The following TIMMDC1 variants were observed in gnomAD, a reference collection of about 807,000 sequenced individuals.
TIMMDC1 encodes translocase of inner mitochondrial membrane domain containing 1, also known as complex I assembly factor TIMMDC1, mitochondrial.
Under a neutral mutation model 32.6 loss-of-function variants are expected in TIMMDC1, and 25 were observed. The observed-to-expected ratio is 0.77, with a 90% CI of 0.56 to 1.07. The LOEUF is 1.07. Ranked by LOEUF, TIMMDC1 falls within the 50% of genes least tolerant of loss-of-function variation. The pLI is 0.00. For synonymous variants in TIMMDC1, 130 were observed against 127.6 expected, an observed-to-expected ratio of 1.02 and a Z score of -0.13; for missense variants, 329 against 349.2, an observed-to-expected ratio of 0.94 and a Z score of 0.46.
chr3:119,507,909 TCTC>T (rs1341012194), intron 4 of TIMMDC1, among the ~76,000 whole-genome samples: 3 of 152,170 alleles, frequency 2.0e-5, no homozygotes, highest in Non-Finnish European at 4.4e-5. Flanking sequence ...GTTTTTTTCC[TCTC>T]CTTTGGTGGG....
intron 5 of TIMMDC1, 73 bp from the exon 6 acceptor site, chr3:119,517,132 T>G (rs2081989347): frequency 2.2e-6 from 2 of 899,466 alleles, no homozygotes; most frequent in Non-Finnish European, 3.7e-6. Context: ...GCTCACACCT[T>G]AGCAGAGAAT....
chr3:119,498,964 C>T (rs2081846740), intron 1 of TIMMDC1, 37 bp downstream of exon 1: 2 of 1,601,888 alleles, frequency 1.2e-6, no homozygotes, highest in Non-Finnish European at 1.7e-6. Context: ...GGTAGGGGGC[C>T]GCGAAAGCGG....
intron 5 of TIMMDC1, 106 bp from the exon 6 acceptor site, chr3:119,517,099 A>G (rs1360587803): frequency 6.3e-6 from 4 of 639,846 alleles, no homozygotes; most frequent in African/African-American, 3.7e-5. Context: ...TGTACCTAAT[A>G]GTGAACAAGT....
At chr3:119,516,940 C>A (rs192363977) in intron 5 of TIMMDC1, among the ~76,000 whole-genome samples, 1 of 152,158 alleles carries the variant, frequency 6.6e-6, no homozygotes. Flanking sequence ...CTCATAAAAA[C>A]AGCCAGTTTC....
Position 119,499,118 on chromosome 3 carries a change from G to A in TIMMDC1, c.194+191G>A, listed in dbSNP as rs571022928. Among the ~76,000 whole-genome samples, 128 of 146,226 alleles carry A rather than the reference G, an allele frequency of 8.8e-4. 2 individuals are homozygous for A. Among genetic ancestry groups the A allele is most frequent in the Admixed American group, 8.6e-3 (124 of 14,488 alleles). On this transcript the variant is annotated intron_variant, in intron 1 of 6. Transcript: ENST00000494664. ...TTTTTTTTTTTTTTTTTTCCAGACA[G>A]GGTCTTGCTCTGTCGCCCAGGCTGG...
intron 5 of TIMMDC1, among the ~76,000 whole-genome samples, chr3:119,514,281 G>T (rs1299549805): frequency 6.6e-6 from 1 of 152,068 alleles, no homozygotes; most frequent in Non-Finnish European, 1.5e-5. Context: ...TAACGCCTTG[G>T]TGATATTTTC....
chr3:119,504,526 G>A (rs907825141), intron 4 of TIMMDC1, among the ~76,000 whole-genome samples: 5 of 152,084 alleles, frequency 3.3e-5, no homozygotes, highest in Non-Finnish European at 7.4e-5. Context: ...CTATAGGAAT[G>A]GACTAGATTT....
At chr3:119,518,386 A>G (rs1231106033) in intron 6 of TIMMDC1, among the ~76,000 whole-genome samples, 1 of 151,902 alleles carries the variant, frequency 6.6e-6, no homozygotes, top group Non-Finnish European at 1.5e-5. Flanking sequence ...TGAAACCTCC[A>G]TTTCTGCTAA....
At chr3:119,505,214 G>A (rs1284483315) in intron 4 of TIMMDC1, among the ~76,000 whole-genome samples, 1 of 152,042 alleles carries the variant, frequency 6.6e-6, no homozygotes, top group Non-Finnish European at 1.5e-5. Context: ...TACACCATAT[G>A]TGTACAATTT....
chr3:119,500,664 C>T, intron 1 of TIMMDC1, 31 bp from the exon 2 acceptor site: 1 of 1,596,762 alleles, frequency 6.3e-7, no homozygotes, highest in Non-Finnish European at 8.5e-7. Flanking sequence ...ATAAACTAAT[C>T]CCAAACAACA....
chr3:119,513,472 G>A (rs1011611257), intron 4 of TIMMDC1, among the ~76,000 whole-genome samples, 169 bp from the exon 5 acceptor site: 4 of 152,198 alleles, frequency 2.6e-5, no homozygotes, highest in East Asian at 1.9e-4. Flanking sequence ...GAGTGGATGG[G>A]AAGCTACCTG....
At chr3:119,516,001 A>C (rs530223195) in intron 5 of TIMMDC1, among the ~76,000 whole-genome samples, 1 of 152,348 alleles carries the variant, frequency 6.6e-6, no homozygotes, top group East Asian at 1.9e-4. Context: ...AGCATGTCAT[A>C]ATCTACTGCT....
At chr3:119,501,800 G>T (rs1268983156) in intron 2 of TIMMDC1, among the ~76,000 whole-genome samples, 1 of 152,156 alleles carries the variant, frequency 6.6e-6, no homozygotes, top group Non-Finnish European at 1.5e-5. Flanking sequence ...TAGTCTGGAA[G>T]AGTTTCTCTG....
chr3:119,523,354 A>G (rs1246790241), intron 6 of TIMMDC1, among the ~76,000 whole-genome samples: 1 of 152,158 alleles, frequency 6.6e-6, no homozygotes, highest in Middle Eastern at 3.2e-3. Flanking sequence ...GACCCAGCAT[A>G]CTAGGAATAT....
intron 5 of TIMMDC1, among the ~76,000 whole-genome samples, 177 bp downstream of exon 5, chr3:119,513,896 TCTTA>T (rs1446719798): frequency 6.6e-6 from 1 of 152,232 alleles, no homozygotes; most frequent in East Asian, 1.9e-4. Flanking sequence ...CAATAGTTTA[TCTTA>T]TTTACAGTTT....
Position 119,523,675 on chromosome 3 carries a change from T to C in TIMMDC1, c.777T>C (p.Pro259=). The change falls in exon 7 of 7, where the codon CCT becomes CCC. Residue 259 remains proline (P), a synonymous_variant. Transcript: ENST00000494664. ...KIESSLQEDE[P]ENDAKKIEAL... ...AAAGTAGTTTACAGGAAGATGAACCTGAGAATGATGCTAAGAAAATTGAAG... is the reference window on the plus strand; with the variant it reads ...AAAGTAGTTTACAGGAAGATGAACCCGAGAATGATGCTAAGAAAATTGAAG... 6.2e-7 allele frequency: 1 copy of C among 1,613,624 alleles called. No individual in the cohort carries two copies. Among genetic ancestry groups the C allele is most frequent in the South Asian group, 1.1e-5 (1 of 91,020 alleles).
rs72952959 is a variant in TIMMDC1, at chr3:119,520,789, A to G, written c.708-2817A>G. 6.9e-3 allele frequency among the ~76,000 whole-genome samples: 1,057 copies of G among 152,308 alleles called. 6 individuals carry two copies. The highest frequency in any genetic ancestry group is 0.024 in the African/African-American group (1,016 of 41,570). On this transcript the variant is annotated intron_variant, in intron 6 of 6. Coordinates refer to ENST00000494664, the MANE Select transcript of TIMMDC1 (RefSeq NM_016589.4). ...ACAGACAAAGGCTCATTAAACAACAACAACAACAAAACCTACAGGCCAATG... is the reference window on the plus strand; with the variant it reads ...ACAGACAAAGGCTCATTAAACAACAGCAACAACAAAACCTACAGGCCAATG...
intron 4 of TIMMDC1, among the ~76,000 whole-genome samples, chr3:119,506,022 T>A (rs2081916844): frequency 6.6e-6 from 1 of 152,240 alleles, no homozygotes; most frequent in Admixed American, 6.5e-5. Context: ...ACCCAAGTAT[T>A]AAGCCTAGTA....
chr3:119,504,851 G>C (rs558193848), intron 4 of TIMMDC1, among the ~76,000 whole-genome samples: 1 of 152,298 alleles, frequency 6.6e-6, no homozygotes, highest in South Asian at 2.1e-4. Context: ...GGAGGCCAAG[G>C]CAGGTGGATC....
Sources: gnomAD v4.1 joint callset for allele counts (sites outside exome capture counted in the v4.1 genomes callset) on GRCh38, gnomAD v4.1.1 for gene constraint, MANE v1.5 for transcripts, NCBI Gene and HGNC (gene_info 2026-07-23, HGNC 2026-07-21) for gene names.